The following CES5A variants were observed in gnomAD, a reference collection of about 807,000 sequenced individuals.
The protein encoded by CES5A is carboxylesterase 5A.
In CES5A, 67 loss-of-function variants were observed where a neutral mutation model predicts 62.9. The observed-to-expected ratio is 1.07, with a 90% confidence interval of 0.88 to 1.31. The LOEUF (loss-of-function observed/expected upper bound fraction) is 1.31. CES5A is among the 50% of genes most tolerant of loss of function. CES5A has a pLI of 0.00. For synonymous variants in CES5A, 296 were observed against 280.8 expected, an observed-to-expected ratio of 1.05 and a Z score of -0.54; for missense variants, 748 against 708.5, an observed-to-expected ratio of 1.06 and a Z score of -0.63.
chr16:55,931,538 T>C (rs2034311956), intron 2 of CES5A, among the ~76,000 whole-genome samples: 1 of 152,220 alleles, frequency 6.6e-6, no homozygotes, highest in Non-Finnish European at 1.5e-5. Flanking sequence ...TTGCAACTCA[T>C]ATCCCACATT....
intron 2 of CES5A, among the ~76,000 whole-genome samples, chr16:55,930,771 A>G (rs1035007319): frequency 1.3e-5 from 2 of 152,254 alleles, no homozygotes; most frequent in Non-Finnish European, 2.9e-5. Context: ...TGTAGGCTTC[A>G]TGAAAACAGA....
Position 55,885,371 on chromosome 16 carries a change from G to T in CES5A, c.-255-11334C>A, listed in dbSNP as rs562123234. Among the ~76,000 whole-genome samples, 16 of 152,274 alleles carry T rather than the reference G, an allele frequency of 1.1e-4. No homozygotes were observed. The South Asian group carries it at 3.3e-3, about 32-fold the overall frequency. On this transcript the variant is annotated intron_variant, in intron 1 of 12. Transcript: ENST00000518005. ...GAGACCACTTTCGTTGGTCTGAGAA[G>T]GATTAAACGTGCAAAGGAGCTGACA...
In CES5A at chr16:55,871,659, G is replaced by A. The variant is rs148234688; in HGVS notation, c.383C>T (p.Ala128Val). Residue 128 changes from alanine to valine, a missense_variant, in exon 3 of 13, where the codon GCG (alanine) becomes GTG (valine). Ala to Val is a moderately conservative substitution (Grantham distance 64, BLOSUM62 0). Transcript: ENST00000290567. ...SEDCLYLNIY[A>V]PAHADTGSKL... Reference sequence around the variant, plus strand: ...GGAGCCTGTATCGGCGTGGGCAGGCGCATAGATGTTCAGGTAGAGGCAGTC... The same window carrying A: ...GGAGCCTGTATCGGCGTGGGCAGGCACATAGATGTTCAGGTAGAGGCAGTC... 27 of 1,614,000 alleles carry A rather than the reference G, an allele frequency of 1.7e-5. No homozygotes were observed. Among genetic ancestry groups the A allele is most frequent in the South Asian group, 5.5e-5 (5 of 91,084 alleles).
chr16:55,910,518 G>A (rs1171272617), intron 1 of CES5A, among the ~76,000 whole-genome samples: 5 of 152,192 alleles, frequency 3.3e-5, no homozygotes, highest in African/African-American at 1.2e-4. Flanking sequence ...ACACTCTTTT[G>A]AGACGCTGCT....
chr16:55,951,103 C>CAAAAAAAAAAAAAAAAA (rs55951124), intron 1 of CES5A, among the ~76,000 whole-genome samples: 11 of 44,376 alleles, frequency 2.5e-4, no homozygotes, highest in African/African-American at 1.4e-3. Context: ...GACTCCATCT[C>CAAAAAAAAAAAAAAAAA]AAAAAAAAAA....
Position 55,846,189 on chromosome 16 carries a change from A to G in CES5A, c.*262T>C, listed in dbSNP as rs2033000730. ...ATTCTGATTTTATTTCATATGAGTT[A>G]CAAAACCATTATTATGACAACTAAT... On this transcript the variant is annotated 3_prime_UTR_variant, in exon 13 of 13. Coordinates refer to ENST00000290567, the MANE Select transcript of CES5A (RefSeq NM_001143685.2). 1.9e-6 allele frequency: 1 copy of G among 514,898 alleles called. No homozygotes were observed. Among genetic ancestry groups the G allele is most frequent in the South Asian group, 2.4e-5 (1 of 42,456 alleles). 31.9% of individuals were successfully genotyped at this position (514,898 alleles called of 1,614,324 possible).
intron 1 of CES5A, among the ~76,000 whole-genome samples, chr16:55,914,663 A>G (rs1385105123): frequency 6.6e-6 from 1 of 152,168 alleles, no homozygotes; most frequent in East Asian, 1.9e-4. Context: ...ATCCCTGATA[A>G]CTTTCTGGAC....
At chr16:55,866,594 G>T (rs375119769) in intron 4 of CES5A, among the ~76,000 whole-genome samples, 1 of 150,372 alleles carries the variant, frequency 6.7e-6, no homozygotes, top group Admixed American at 6.6e-5. Flanking sequence ...AGGCCGAGGC[G>T]GGCAGATCAT....
intron 1 of CES5A, among the ~76,000 whole-genome samples, chr16:55,897,011 C>T (rs1312961532): frequency 1.3e-5 from 2 of 152,162 alleles, no homozygotes; most frequent in Non-Finnish European, 2.9e-5. Flanking sequence ...TTGGGAACCA[C>T]AGGAGTATTT....
chr16:55,895,715 G>A (rs1217550781), intron 1 of CES5A, among the ~76,000 whole-genome samples: 1 of 152,198 alleles, frequency 6.6e-6, no homozygotes, highest in Non-Finnish European at 1.5e-5. Context: ...TATTTGGATA[G>A]AATGATTGTA....
At chr16:55,851,087 G>A (rs13332555) in intron 10 of CES5A, among the ~76,000 whole-genome samples, 88,229 of 152,024 alleles carry the variant, frequency 0.58, 28,123 homozygotes, top group Non-Finnish European at 0.72. Flanking sequence ...TTTGGCAGTG[G>A]ATTCTTATAT....
intron 1 of CES5A, among the ~76,000 whole-genome samples, chr16:55,953,799 G>A (rs1409996368): frequency 6.6e-6 from 1 of 152,126 alleles, no homozygotes; most frequent in Admixed American, 6.5e-5. Context: ...TACATGTAAT[G>A]TTTTGATGTA....
At chr16:55,943,751 G>T (rs775957558) in intron 2 of CES5A, among the ~76,000 whole-genome samples, 5 of 152,126 alleles carry the variant, frequency 3.3e-5, no homozygotes, top group Non-Finnish European at 7.3e-5. Context: ...CCAGGCACCA[G>T]CTATTATACC....
At chr16:55,935,013 G>C (rs1444913620) in intron 2 of CES5A, among the ~76,000 whole-genome samples, 2 of 152,234 alleles carry the variant, frequency 1.3e-5, no homozygotes, top group Non-Finnish European at 2.9e-5. Flanking sequence ...TGTGATCTCA[G>C]CTCACTGCAA....
chr16:55,869,518 G>A, intron 4 of CES5A, 93 bp downstream of exon 4: 2 of 1,463,108 alleles, frequency 1.4e-6, no homozygotes, highest in Non-Finnish European at 1.8e-6. Flanking sequence ...GTCCCGGAAG[G>A]CTCGCTCCTT....
chr16:55,947,567 T>C (rs2142484789), intron 2 of CES5A, among the ~76,000 whole-genome samples: 1 of 152,146 alleles, frequency 6.6e-6, no homozygotes, highest in East Asian at 1.9e-4. Flanking sequence ...ATCCATTGCA[T>C]GGTGATAAGT....
Position 55,846,827 on chromosome 16 carries a change from C to T in CES5A, c.1437G>A (p.Glu479=), listed in dbSNP as rs1186642410. The change falls in exon 12 of 13, where the codon GAG becomes GAA. Residue 479 remains glutamate (E), a synonymous_variant. Transcript: ENST00000290567. ...GDIVMFEGAT[E]EEKLLSRKMM... is the part of the protein sequence containing the mutation. ...TCTTCCGGCTCAGTAACTTCTCCTCCTCCGTGGCTCCTTCTGAAGGAGATA... is the reference window on the plus strand; with the variant it reads ...TCTTCCGGCTCAGTAACTTCTCCTCTTCCGTGGCTCCTTCTGAAGGAGATA... The T allele has an allele frequency of 6.2e-7, 1 of 1,613,966 alleles. No individual in the cohort carries two copies. Among genetic ancestry groups the T allele is most frequent in the African/African-American group, 1.3e-5 (1 of 74,916 alleles).
At chr16:55,894,545 T>C (rs1276219040) in intron 1 of CES5A, among the ~76,000 whole-genome samples, 2 of 148,400 alleles carry the variant, frequency 1.3e-5, no homozygotes, top group African/African-American at 5.0e-5. Flanking sequence ...TAATAAATGA[T>C]GTTTTTAGAG....
At chr16:55,936,732 G>T (rs1174738407) in intron 2 of CES5A, among the ~76,000 whole-genome samples, 1 of 152,166 alleles carries the variant, frequency 6.6e-6, no homozygotes, top group Non-Finnish European at 1.5e-5. Flanking sequence ...AGCCAAAATA[G>T]TTTTTATTTT....
Sources: gnomAD v4.1 joint callset for allele counts (sites outside exome capture counted in the v4.1 genomes callset) on GRCh38, gnomAD v4.1.1 for gene constraint, MANE v1.5 for transcripts, NCBI Gene and HGNC (gene_info 2026-07-23, HGNC 2026-07-21) for gene names.